Variants in PCMTD2 observed in about 807,000 individuals in gnomAD.
PCMTD2 encodes the protein protein-L-isoaspartate O-methyltransferase domain-containing protein 2.
Under a neutral mutation model 33.4 loss-of-function variants are expected in PCMTD2, and 16 were observed. That is an observed-to-expected ratio of 0.48 (90% CI 0.32 to 0.73). PCMTD2 has a LOEUF of 0.73. Among genes scored for constraint, PCMTD2 ranks in the 30% least tolerant of loss-of-function variants. PCMTD2 has a pLI of 0.03. For synonymous variants in PCMTD2, 161 were observed against 160.8 expected (o/e 1.00, Z -0.01); for missense variants, 374 against 449.9 (o/e 0.83, Z 1.53).
At chr20:64,256,674 A>C (rs1306213679) in intron 1 of PCMTD2, 1 of 152,108 alleles carries the variant, frequency 6.6e-6, no homozygotes, top group African/African-American at 2.4e-5. Context: ...AGAGCCCTAC[A>C]CTCAGGTGAT....
chr20:64,269,986 C>T (rs1299664173), intron 5 of PCMTD2, among the ~76,000 whole-genome samples: 27 of 118,922 alleles, frequency 2.3e-4, no homozygotes, highest in Admixed American at 1.7e-4. Flanking sequence ...CCTGTGAGTG[C>T]GGGTGTGCAC....
chr20:64,256,373 A>C (rs1022162457), intron 1 of PCMTD2, among the ~76,000 whole-genome samples: 1 of 152,046 alleles, frequency 6.6e-6, no homozygotes, highest in African/African-American at 2.4e-5. Flanking sequence ...TAGTTGGAGG[A>C]AGGAGAACTT....
At chr20:64,263,416 G>A (rs1225563261) in intron 2 of PCMTD2, among the ~76,000 whole-genome samples, 3 of 152,184 alleles carry the variant, frequency 2.0e-5, no homozygotes, top group African/African-American at 7.2e-5. Context: ...CCCACACGGT[G>A]CAAAGGTGTG....
At position 64,273,548 on chromosome 20, in the gene PCMTD2, T is replaced by TCC. The variant is rs1387415659; in HGVS notation, c.1036_1037dup (p.Pro348CysfsTer5). The TCC allele has an allele frequency of 7.8e-6, 12 of 1,542,052 alleles. No homozygotes were observed. Among genetic ancestry groups the TCC allele is most frequent in the Non-Finnish European group, 9.6e-6 (11 of 1,150,078 alleles). On this transcript the variant is annotated frameshift_variant, in exon 6 of 6. Coordinates refer to ENST00000308824, the MANE Select transcript of PCMTD2 (RefSeq NM_018257.3). LOFTEE classifies it high-confidence loss of function. The stretch of plus-strand genomic sequence containing the variant: ...TTCCTACGCCAGAAGGTCCTGAGCC[T>TCC]CCCTCTGCCAGATCCCCTGAAATAC...
At chr20:64,263,168 C>T (rs1173641724) in intron 2 of PCMTD2, among the ~76,000 whole-genome samples, 1 of 152,138 alleles carries the variant, frequency 6.6e-6, no homozygotes, top group Non-Finnish European at 1.5e-5. Context: ...TGGTCTCTGG[C>T]AGAGTCGGGA....
At position 64,274,338 on chromosome 20, in the gene PCMTD2, A is replaced by C. The variant is rs2145771959; in HGVS notation, c.*738A>C. 1 of 147,490 alleles carries C rather than the reference A, an allele frequency of 6.8e-6. No homozygotes were observed. Among genetic ancestry groups the C allele is most frequent in the South Asian group, 2.1e-4 (1 of 4,694 alleles). 9.1% of individuals were successfully genotyped at this position (147,490 alleles called of 1,614,324 possible). A position where few individuals can be genotyped will look rare whatever the true frequency, so the allele number is the denominator to read the frequency against. The stretch of plus-strand genomic sequence containing the variant: ...TTTTAGGACATCTTTTGATACCTTT[A>C]AAAGAACCACTGTCAAGTAATCCTT... On this transcript the variant is annotated 3_prime_UTR_variant, in exon 6 of 6. Transcript: ENST00000308824.
At chr20:64,259,762 G>A in intron 1 of PCMTD2, 180 bp from the exon 2 acceptor site, 1 of 554,386 alleles carries the variant, frequency 1.8e-6, no homozygotes, top group Non-Finnish European at 3.2e-6. Context: ...ATTGAACTGG[G>A]ATTTTTTTTC....
At chr20:64,270,169 G>A (rs1985846817) in intron 5 of PCMTD2, among the ~76,000 whole-genome samples, 1 of 135,962 alleles carries the variant, frequency 7.4e-6, no homozygotes. Flanking sequence ...ACGTTGTGGG[G>A]TCGTGTGGGT....
rs1159549075 is a variant in PCMTD2 at position 64,274,390 on chromosome 20, G to C, written c.*790G>C. On this transcript the variant is annotated 3_prime_UTR_variant, in exon 6 of 6. Transcript: ENST00000308824. ...AAAGAATATCTTGGAAAAGGAAACA[G>C]ATTTTTTCCTGTGTGTAAGCAATAA... The C allele has an allele frequency of 6.7e-6, 1 of 150,194 alleles. No individual in the cohort carries two copies. Among genetic ancestry groups the C allele is most frequent in the Non-Finnish European group, 1.5e-5 (1 of 67,784 alleles). 9.3% of individuals were successfully genotyped at this position (150,194 alleles called of 1,614,324 possible).
At chr20:64,265,502 T>G (rs1985619638) in intron 4 of PCMTD2, 73 bp downstream of exon 4, 2 of 1,147,692 alleles carry the variant, frequency 1.7e-6, no homozygotes, top group Admixed American at 2.5e-5. Flanking sequence ...GTACGGATAC[T>G]TACTCTTTTA....
intron 5 of PCMTD2, among the ~76,000 whole-genome samples, chr20:64,270,581 G>A (rs1985874523): frequency 6.6e-6 from 1 of 152,166 alleles, no homozygotes; most frequent in Non-Finnish European, 1.5e-5. Context: ...AGATATGTGT[G>A]GTGTGGGGTG....
chr20:64,269,807 G>GTCGTAAGT (rs1985813174), intron 5 of PCMTD2, among the ~76,000 whole-genome samples: 1 of 151,398 alleles, frequency 6.6e-6, no homozygotes, highest in South Asian at 2.1e-4. Context: ...GCGGTGTGGG[G>GTCGTAAGT]TCATGTGAAT....
intron 2 of PCMTD2, among the ~76,000 whole-genome samples, chr20:64,260,493 TTC>T (rs1202898285): frequency 6.6e-6 from 1 of 152,212 alleles, no homozygotes; most frequent in Non-Finnish European, 1.5e-5. Flanking sequence ...ACCTCTCCTG[TTC>T]TCTGTCCCCT....
Position 64,273,854 on chromosome 20 carries a change from A to G in PCMTD2, c.*254A>G, listed in dbSNP as rs1986012368. The G allele has an allele frequency of 5.5e-6, 2 of 366,430 alleles. No individual in the cohort carries two copies. The highest frequency in any genetic ancestry group is 9.8e-6 in the Non-Finnish European group (2 of 204,864). 22.7% of individuals were successfully genotyped at this position (366,430 alleles called of 1,614,324 possible). A position where few individuals can be genotyped will look rare whatever the true frequency, so the allele number is the denominator to read the frequency against. ...TTTTCCCAAAGTGGAGAGAATCTTC[A>G]TAGAGAAAAAGAGAAGGCTGTTTCT... On this transcript the variant is annotated 3_prime_UTR_variant, in exon 6 of 6. Transcript: ENST00000308824.
At chr20:64,257,487 T>C (rs1985217456) in intron 1 of PCMTD2, among the ~76,000 whole-genome samples, 2 of 152,154 alleles carry the variant, frequency 1.3e-5, no homozygotes, top group Non-Finnish European at 1.5e-5. Context: ...CTTTGAAAAA[T>C]TGGATTTGAC....
At chr20:64,265,608 A>T in intron 4 of PCMTD2, 179 bp downstream of exon 4, 1 of 451,984 alleles carries the variant, frequency 2.2e-6, no homozygotes, top group Non-Finnish European at 3.8e-6. Flanking sequence ...CCAGAAGCTG[A>T]CTCAGGTGGG....
intron 2 of PCMTD2, among the ~76,000 whole-genome samples, chr20:64,260,737 G>A (rs1985379994): frequency 8.7e-6 from 1 of 115,602 alleles, no homozygotes. Context: ...TGACAGTTGT[G>A]CCCCATCGTC....
chr20:64,275,460 G>T lies in PCMTD2; in HGVS notation c.*1860G>T, dbSNP rs1351072193. 1 of 152,120 alleles carries T rather than the reference G, an allele frequency of 6.6e-6. No individual in the cohort carries two copies. The highest frequency in any genetic ancestry group is 1.9e-4 in the East Asian group (1 of 5,192). 9.4% of individuals were successfully genotyped at this position (152,120 alleles called of 1,614,324 possible). A position where few individuals can be genotyped will look rare whatever the true frequency, so the allele number is the denominator to read the frequency against. ...AAAAACCGCATTTGCCTTTATGCTA[G>T]ATTGTAAAAAATTATATTAGAATGC... On this transcript the variant is annotated 3_prime_UTR_variant, in exon 6 of 6. Transcript: ENST00000308824.
intron 1 of PCMTD2, 74 bp from the exon 2 acceptor site, chr20:64,259,868 A>G (rs753616232): frequency 1.9e-5 from 13 of 695,708 alleles, no homozygotes; most frequent in African/African-American, 5.4e-5. Context: ...TCAAATTGGT[A>G]TCTGTTTAGA....
Sources: gnomAD v4.1 joint callset for allele counts (sites outside exome capture counted in the v4.1 genomes callset) on GRCh38, gnomAD v4.1.1 for gene constraint, MANE v1.5 for transcripts, NCBI Gene and HGNC (gene_info 2026-07-23, HGNC 2026-07-21) for gene names.